POLN: variants seen among roughly 807,000 people sequenced by gnomAD.
The protein encoded by POLN is DNA polymerase nu, also known as DNA polymerase N.
In POLN, 108 loss-of-function variants were observed where a neutral mutation model predicts 113.5. The observed-to-expected ratio is 0.95, with a 90% CI of 0.81 to 1.12. The LOEUF is 1.12. Among genes scored for constraint, POLN ranks in the 50% most tolerant of loss-of-function variants. The pLI, the probability that POLN is intolerant of heterozygous loss-of-function variation, is 0.00. For synonymous variants in POLN, 386 were observed against 391.5 expected (o/e 0.99, Z 0.17); for missense variants, 1,097 against 1,077.1 (o/e 1.02, Z -0.26).
chr4:2,077,848 C>T lies in POLN; in HGVS notation c.2388-2329G>A, dbSNP rs759119987. Among the ~76,000 whole-genome samples, 6 of 152,282 alleles carry T rather than the reference C, an allele frequency of 3.9e-5. No individual in the cohort carries two copies. The East Asian group carries it at 5.8e-4, about 15-fold the overall frequency. On this transcript the variant is annotated intron_variant, in intron 23 of 25. Transcript: ENST00000511885. ...TGGGGCACAGGTGAAAGAAGAAGGA[C>T]GTCTGTCGTCTCCGTGTGGGGTGGA...
intron 13 of POLN, among the ~76,000 whole-genome samples, chr4:2,169,251 T>C (rs1732802551): frequency 6.6e-6 from 1 of 152,188 alleles, no homozygotes; most frequent in African/African-American, 2.4e-5. Context: ...TAGAAGCTAC[T>C]GGAAGTCCTA....
rs143649280 is a variant in POLN at position 2,198,711 on chromosome 4, C to A, written c.721G>T (p.Val241Phe). The A allele has an allele frequency of 1.2e-6, 2 of 1,603,926 alleles. No individual in the cohort carries two copies. Among genetic ancestry groups the A allele is most frequent in the South Asian group, 1.1e-5 (1 of 89,418 alleles). Residue 241 changes from valine (V) to phenylalanine (F), a missense_variant, in exon 6 of 26, where the codon GTT becomes TTT. Transcript: ENST00000511885. ...STQLGADQTP[V>F]SSVRGIVVLV... The stretch of plus-strand genomic sequence containing the variant: ...ACCACAATTCCTCTAACAGAAGAAA[C>A]GGGGGTCTGTGGAAACACAACAAAA...
Position 2,231,958 on chromosome 4 carries a change from G to A in POLN, c.-12-2715C>T, listed in dbSNP as rs558266032. The A allele has an allele frequency of 1.1e-5, 15 of 1,427,154 alleles. No homozygotes were observed. In the East Asian group the frequency reaches 2.8e-4, roughly 27 times the overall value. 88.4% of individuals were successfully genotyped at this position (1,427,154 alleles called of 1,614,324 possible). A position where few individuals can be genotyped will look rare whatever the true frequency, so the allele number is the denominator to read the frequency against. ...TTCAAGACTAACAGCCTTAATCTTT[G>A]ATTGAGTTTCTAAATTCTCCACAAT... On this transcript the variant is annotated intron_variant, in intron 2 of 25. Transcript: ENST00000511885.
chr4:2,080,164 C>G (rs892264765), intron 23 of POLN: 1 of 986,106 alleles, frequency 1.0e-6, no homozygotes, highest in African/African-American at 1.7e-5. Flanking sequence ...CTGAGGGGAT[C>G]CCGCACAAGG....
Position 2,208,275 on chromosome 4 carries a change from C to G in POLN, c.426G>C (p.Glu142Asp). Residue 142 changes from glutamate to aspartate, a missense_variant, in exon 5 of 26, where the codon GAG becomes GAC. Physicochemically the swap from Glu to Asp is conservative, Grantham distance 45. Transcript: ENST00000511885. ...TTCCTTTATTTTCATTATTTATATT[C>G]TCCATTAGGAAATGCTTTCTTTTAT... ...KGHKRKHFLM[E>D]NINNENKGSI... 4 of 1,589,840 alleles carry G rather than the reference C, an allele frequency of 2.5e-6. No homozygotes were observed. The highest frequency in any genetic ancestry group is 3.4e-6 in the Non-Finnish European group (4 of 1,162,892).
At chr4:2,191,176 A>G (rs1329727627) in intron 7 of POLN, among the ~76,000 whole-genome samples, 1 of 152,250 alleles carries the variant, frequency 6.6e-6, no homozygotes, top group Admixed American at 6.5e-5. Flanking sequence ...AAAAAGAATG[A>G]AATCCTGTCA....
At chr4:2,128,606 C>A (rs34619543) in intron 18 of POLN, among the ~76,000 whole-genome samples, 6,985 of 152,236 alleles carry the variant, frequency 0.046, 567 homozygotes, top group African/African-American at 0.16. Context: ...TGGAGTGGAG[C>A]TGACTCTTAG....
chr4:2,187,493 C>T lies in POLN; in HGVS notation c.1021+5711G>A, dbSNP rs187370977. 2.0e-3 allele frequency among the ~76,000 whole-genome samples: 308 copies of T among 152,290 alleles called. 1 individual carries two copies. Among genetic ancestry groups the T allele is most frequent in the African/African-American group, 7.0e-3 (291 of 41,556 alleles). On this transcript the variant is annotated intron_variant, in intron 7 of 25. Transcript: ENST00000511885. ...TCCTGACCTCAAGTGATCCACCCGC[C>T]TCAGTCTCCCAAAGTGCTGGGATTA...
In POLN at chr4:2,126,798, G is replaced by A. The variant is rs896373354; in HGVS notation, c.1982+1315C>T. ...AGGACAGGAAAGGCCAGAGTGAGGC[G>A]GGTAACTGGTGAGCTCAGGCCTAGC... On this transcript the variant is annotated intron_variant, in intron 19 of 25. Transcript: ENST00000511885. The surrounding 1 kb of genome is among the most constrained non-coding windows in gnomAD (Gnocchi z 4.6). Among the ~76,000 whole-genome samples, 8 of 152,106 alleles carry A rather than the reference G, an allele frequency of 5.3e-5. No homozygotes were observed. Among genetic ancestry groups the A allele is most frequent in the Admixed American group, 2.0e-4 (3 of 15,284 alleles).
intron 24 of POLN, among the ~76,000 whole-genome samples, chr4:2,075,145 T>C (rs1014349326): frequency 1.3e-5 from 2 of 152,108 alleles, no homozygotes; most frequent in African/African-American, 2.4e-5. Flanking sequence ...ATAGAGGCCT[T>C]GGGCCTCAGA....
At chr4:2,090,128 G>A (rs562316560) in intron 20 of POLN, 16 of 1,015,664 alleles carry the variant, frequency 1.6e-5, no homozygotes, top group Non-Finnish European at 2.3e-5. Context: ...GCTAACTGAG[G>A]ATAAGAACTT....
intron 6 of POLN, among the ~76,000 whole-genome samples, chr4:2,194,881 A>G (rs540121236): frequency 6.6e-6 from 1 of 152,144 alleles, no homozygotes; most frequent in Admixed American, 6.6e-5. Flanking sequence ...CTGGGCGACA[A>G]AGAGAGACTC....
At chr4:2,174,847 G>C (rs1365785091) in intron 9 of POLN, 96 bp from the exon 10 acceptor site, 1 of 865,810 alleles carries the variant, frequency 1.2e-6, no homozygotes. Flanking sequence ...TTTTGAGACA[G>C]AGTCTTGCTC....
intron 5 of POLN, among the ~76,000 whole-genome samples, 199 bp downstream of exon 5, chr4:2,207,788 A>G (rs1657691656): frequency 6.6e-6 from 1 of 152,182 alleles, no homozygotes; most frequent in Admixed American, 6.5e-5. Flanking sequence ...GGAAGGTAAA[A>G]TGGTACACCC....
chr4:2,159,056 G>A, intron 14 of POLN, 99 bp downstream of exon 14: 1 of 894,390 alleles, frequency 1.1e-6, no homozygotes, highest in Non-Finnish European at 1.9e-6. Flanking sequence ...AACACTGGGA[G>A]GGCTACTTCA....
intron 9 of POLN, 72 bp from the exon 10 acceptor site, chr4:2,174,823 ACTTT>A: frequency 9.2e-7 from 1 of 1,091,666 alleles, no homozygotes. Flanking sequence ...TGAAAAGCCT[ACTTT>A]TTTTTTTTTT....
rs190252977 is a variant in POLN at position 2,083,454 on chromosome 4, T to C, written c.2198-1711A>G. Among the ~76,000 whole-genome samples, 14 of 152,326 alleles carry C rather than the reference T, an allele frequency of 9.2e-5. No homozygotes were observed. The East Asian group carries it at 1.9e-3, about 21-fold the overall frequency. On this transcript the variant is annotated intron_variant, in intron 21 of 25. Coordinates refer to ENST00000511885, the MANE Select transcript of POLN (RefSeq NM_181808.4). Reference sequence around the variant, plus strand: ...GTGTTGGAAACGGCTGCTCCAGATATTTTGCCCAGTTTTCTGGTTCTTCAT... The same window carrying C: ...GTGTTGGAAACGGCTGCTCCAGATACTTTGCCCAGTTTTCTGGTTCTTCAT...
intron 2 of POLN, 82 bp downstream of exon 2, chr4:2,241,438 G>T: frequency 1.1e-6 from 1 of 930,552 alleles, no homozygotes; most frequent in Non-Finnish European, 1.3e-6. Flanking sequence ...AGGAGGCTAG[G>T]CAGCCTCTCT....
intron 19 of POLN, among the ~76,000 whole-genome samples, chr4:2,123,366 C>T (rs1172420056): frequency 6.6e-6 from 1 of 151,986 alleles, no homozygotes; most frequent in Non-Finnish European, 1.5e-5. Flanking sequence ...TGGCTCACAC[C>T]TGTAATCCCA....
Sources: gnomAD v4.1 joint callset for allele counts (sites outside exome capture counted in the v4.1 genomes callset) on GRCh38, gnomAD v4.1.1 for gene constraint, Gnocchi (gnomAD v3.1) non-coding constraint, MANE v1.5 for transcripts, NCBI Gene and HGNC (gene_info 2026-07-23, HGNC 2026-07-21) for gene names.